The following LITAF variants were observed in gnomAD, a reference collection of about 807,000 sequenced individuals.
LITAF encodes the protein lipopolysaccharide induced TNF factor, also known as lipopolysaccharide-induced tumor necrosis factor-alpha factor.
A neutral mutation model predicts 14.5 loss-of-function variants in LITAF; 9 were observed. The observed-to-expected ratio is 0.62, with a 90% CI of 0.37 to 1.08. The LOEUF (loss-of-function observed/expected upper bound fraction) is 1.08, where lower values mean the gene tolerates loss of function less well. Among genes scored for constraint, LITAF ranks in the 50% least tolerant of loss-of-function variants. The probability of loss-of-function intolerance (pLI) is 0.01; values close to 1 mark genes in which losing one functional copy is unlikely to be tolerated. For synonymous variants in LITAF, 98 were observed against 88.2 expected, an observed-to-expected ratio of 1.11 and a Z score of -0.62; for missense variants, 206 against 213.4, an observed-to-expected ratio of 0.97 and a Z score of 0.22.
chr16:11,634,099 C>T lies in LITAF; in HGVS notation c.-20-462G>A, dbSNP rs138683911. Among the ~76,000 whole-genome samples, 56 of 152,312 alleles carry T rather than the reference C, an allele frequency of 3.7e-4. No individual in the cohort carries two copies. Among genetic ancestry groups the T allele is most frequent in the African/African-American group, 1.3e-3 (54 of 41,568 alleles). ...ACTCACATGCAAATGGACACACAGA[C>T]ATGAATACACATGTGCAGAGACTCA... On this transcript the variant is annotated intron_variant, in intron 2 of 3. Transcript: ENST00000574848. The surrounding 1 kb of genome is among the most constrained non-coding windows in gnomAD (Gnocchi z 4.1).
At chr16:11,602,710 G>A (rs972021261), upstream of LITAF, among the ~76,000 whole-genome samples, 1 of 150,168 alleles carries the variant, frequency 6.7e-6, no homozygotes, top group African/African-American at 2.5e-5. Context: ...TTCTATACGA[G>A]TGCCCGTGTG....
At chr16:11,614,884 C>T (rs142637398) in intron 3 of LITAF, among the ~76,000 whole-genome samples, 2 of 152,358 alleles carry the variant, frequency 1.3e-5, no homozygotes, top group African/African-American at 2.4e-5. Flanking sequence ...TTCTAGACGG[C>T]AGGCAGTTCT....
chr16:11,637,984 C>CTA (rs371920091), upstream of LITAF, among the ~76,000 whole-genome samples: 85 of 48,122 alleles, frequency 1.8e-3, 4 homozygotes, highest in African/African-American at 0.015. Context: ...CTATATATAT[C>CTA]TATATATATC....
intron 1 of LITAF, among the ~76,000 whole-genome samples, chr16:11,569,367 AG>A (rs1416072701): frequency 6.6e-6 from 1 of 152,112 alleles, no homozygotes; most frequent in Non-Finnish European, 1.5e-5. Context: ...CAGCCTCCCA[AG>A]TACCTGGGAT....
intron 3 of LITAF, among the ~76,000 whole-genome samples, chr16:11,612,202 C>A (rs2064986509): frequency 6.6e-6 from 1 of 152,220 alleles, no homozygotes; most frequent in Non-Finnish European, 1.5e-5. Context: ...TCAGGACAGC[C>A]AACCATGTGC....
intron 1 of LITAF, among the ~76,000 whole-genome samples, chr16:11,583,783 C>T (rs545500610): frequency 4.8e-4 from 73 of 152,310 alleles, no homozygotes; most frequent in African/African-American, 1.7e-3. Flanking sequence ...ACATTATTTT[C>T]TCTGAAGCCT....
intron 1 of LITAF, among the ~76,000 whole-genome samples, chr16:11,568,682 T>A (rs1236302930): frequency 7.6e-6 from 1 of 131,096 alleles, no homozygotes; most frequent in East Asian, 2.1e-4. Flanking sequence ...TGTTTTTTTT[T>A]GTTTTTTTTT....
chr16:11,548,866 T>C lies in LITAF; in HGVS notation c.*771A>G, dbSNP rs1406306323. 4.4e-6 allele frequency: 2 copies of C among 452,808 alleles called. No homozygotes were observed. The highest frequency in any genetic ancestry group is 4.0e-5 in the African/African-American group (2 of 49,638). The allele number at this position is 452,808 out of a possible 1,614,324, so 28.0% of individuals were successfully genotyped here. ...AAAAGTATTTCAGACCAAAAGGAGG[T>C]CATAAAAACTGTTCATATAATTACT... On this transcript the variant is annotated 3_prime_UTR_variant, in exon 4 of 4. Transcript: ENST00000622633.
chr16:11,638,301 C>T (rs1430063219), upstream of LITAF, among the ~76,000 whole-genome samples: 1 of 151,520 alleles, frequency 6.6e-6, no homozygotes, highest in Non-Finnish European at 1.5e-5. Flanking sequence ...ATAACAAGTG[C>T]TCAGTATTTC....
chr16:11,617,676 C>T (rs1386180565), intron 3 of LITAF, among the ~76,000 whole-genome samples: 4 of 151,960 alleles, frequency 2.6e-5, no homozygotes, highest in Non-Finnish European at 5.9e-5. Flanking sequence ...CCGCCCGCCT[C>T]GGCCTCCCAA....
chr16:11,618,087 G>A (rs867737593), intron 3 of LITAF, among the ~76,000 whole-genome samples: 2 of 152,196 alleles, frequency 1.3e-5, no homozygotes, highest in Middle Eastern at 3.4e-3. Context: ...TGTTGCCCAA[G>A]CTGGTCTCAA....
At chr16:11,579,014 C>T (rs914769663) in intron 1 of LITAF, among the ~76,000 whole-genome samples, 2 of 152,080 alleles carry the variant, frequency 1.3e-5, no homozygotes, top group African/African-American at 4.8e-5. Context: ...CATGGGGAAA[C>T]CCCATCTCTA....
At position 11,629,464 on chromosome 16, in the gene LITAF, C is replaced by T. The variant is rs74409414; in HGVS notation, c.85+4069G>A. Among the ~76,000 whole-genome samples the T allele has an allele frequency of 7.7e-3, 1,176 of 152,300 alleles. 17 individuals are homozygous for T. Among genetic ancestry groups the T allele is most frequent in the African/African-American group, 0.024 (1,016 of 41,568 alleles). On this transcript the variant is annotated intron_variant, in intron 3 of 3. Coordinates refer to the LITAF transcript ENST00000574848. ...GGCCTGAAGTAAGAGTTTTCTGAGT[C>T]AGTCCCACCAGGAGGCAAGGGGGCC...
chr16:11,549,628 G>C lies in LITAF; in HGVS notation c.*9C>G, dbSNP rs927219695. 2 of 1,605,670 alleles carry C rather than the reference G, an allele frequency of 1.2e-6. No individual in the cohort carries two copies. Among genetic ancestry groups the C allele is most frequent in the Non-Finnish European group, 1.7e-6 (2 of 1,173,418 alleles). ...GCGGCACCCGGCTCCCTCCACGTCT[G>C]GCTGAGTCCTACAAACGCTTGTAGG... On this transcript the variant is annotated 3_prime_UTR_variant, in exon 4 of 4. Transcript: ENST00000622633. This position sits in a 1 kb window ranked among gnomAD's most constrained non-coding sequence, Gnocchi z 4.6.
At position 11,549,776 on chromosome 16, in the gene LITAF, T is replaced by C; in HGVS notation, c.378-31A>G. ...AGGAGAGAGAGACACACGGAGCGCGTTACTGATCACAACAGGGTGAACACT... is the reference window on the plus strand; with the variant it reads ...AGGAGAGAGAGACACACGGAGCGCGCTACTGATCACAACAGGGTGAACACT... On this transcript the variant is annotated intron_variant, in intron 3 of 3. Transcript: ENST00000622633. This position sits in a 1 kb window ranked among gnomAD's most constrained non-coding sequence, Gnocchi z 4.6. 6.5e-7 allele frequency: 1 copy of C among 1,547,934 alleles called. No homozygotes were observed.
At chr16:11,576,534 C>CAAAAAAAAAAAAAAAAAAAAAA (rs66551972) in intron 1 of LITAF, among the ~76,000 whole-genome samples, 2 of 62,984 alleles carry the variant, frequency 3.2e-5, no homozygotes, top group African/African-American at 1.1e-4. Context: ...TTACAATCTG[C>CAAAAAAAAAAAAAAAAAAAAAA]AAAAAAAAAA....
Position 11,617,804 on chromosome 16 carries a change from G to A in LITAF, c.85+15729C>T, listed in dbSNP as rs534521120. ...ATCTCTTGATCTAAGCCTCTTTGAA[G>A]GTGTTAATGTAATATTAAATTTCCT... On this transcript the variant is annotated intron_variant, in intron 3 of 3. Coordinates refer to the LITAF transcript ENST00000574848. Among the ~76,000 whole-genome samples, 15 of 152,072 alleles carry A rather than the reference G, an allele frequency of 9.9e-5. No homozygotes were observed. The East Asian group carries it at 2.7e-3, about 27-fold the overall frequency.
intron 3 of LITAF, among the ~76,000 whole-genome samples, chr16:11,608,645 C>T (rs1453785857): frequency 6.6e-6 from 1 of 152,182 alleles, no homozygotes; most frequent in Non-Finnish European, 1.5e-5. Flanking sequence ...AAACAGTACA[C>T]TGAGTGAGAG....
In LITAF at chr16:11,549,529, C is replaced by T. The variant is rs961703722; in HGVS notation, c.*108G>A. On this transcript the variant is annotated 3_prime_UTR_variant, in exon 4 of 4. Transcript: ENST00000622633. The surrounding 1 kb of genome is among the most constrained non-coding windows in gnomAD (Gnocchi z 4.6). ...CAAAAGAAGACATGAAGGTGGGCCC[C>T]CTGGAGAGGTGAGACCACCAGGGCA... 4.1e-5 allele frequency: 33 copies of T among 803,800 alleles called. No homozygotes were observed. Among genetic ancestry groups the T allele is most frequent in the Non-Finnish European group, 6.2e-5 (29 of 469,112 alleles). The allele number at this position is 803,800 out of a possible 1,614,324, so 49.8% of individuals were successfully genotyped here.
Sources: gnomAD v4.1 joint callset for allele counts (sites outside exome capture counted in the v4.1 genomes callset) on GRCh38, gnomAD v4.1.1 for gene constraint, Gnocchi (gnomAD v3.1) non-coding constraint, MANE v1.5 for transcripts, NCBI Gene and HGNC (gene_info 2026-07-23, HGNC 2026-07-21) for gene names.